NDUFAF6: variants seen among roughly 807,000 people sequenced by gnomAD.
NDUFAF6 encodes the protein NADH:ubiquinone oxidoreductase complex assembly factor 6.
NDUFAF6 carries 45 observed loss-of-function variants against 40.8 expected under a neutral mutation model. The observed-to-expected ratio is 1.10, with a 90% CI of 0.87 to 1.42. NDUFAF6 has a LOEUF of 1.42. Among genes scored for constraint, NDUFAF6 ranks in the 40% most tolerant of loss-of-function variants. NDUFAF6 has a pLI of 0.00. For synonymous variants in NDUFAF6, 185 were observed against 155.9 expected, an observed-to-expected ratio of 1.19 and a Z score of -1.39; for missense variants, 435 against 418.5, an observed-to-expected ratio of 1.04 and a Z score of -0.34.
intron 1 of NDUFAF6, among the ~76,000 whole-genome samples, chr8:94,964,930 G>A (rs570299953): frequency 6.6e-6 from 1 of 152,318 alleles, no homozygotes; most frequent in South Asian, 2.1e-4. Flanking sequence ...CCACTGATGG[G>A]CGCCAGAGAT....
intron 6 of NDUFAF6, 132 bp from the exon 7 acceptor site, chr8:95,048,323 CTG>C (rs1424638361): frequency 2.8e-6 from 2 of 705,032 alleles, no homozygotes; most frequent in Middle Eastern, 3.0e-4. Flanking sequence ...AGGCATTAAA[CTG>C]TACATACTGT....
At chr8:94,904,496 TTTGTTCTGTTCCA>T (rs1818264051) in intron 1 of NDUFAF6, among the ~76,000 whole-genome samples, 2 of 151,770 alleles carry the variant, frequency 1.3e-5, no homozygotes, top group South Asian at 4.2e-4. Context: ...TTTAAAATAA[TTTGTTCTGTTCCA>T]TTGTTTTTCT....
chr8:95,047,552 C>T (rs575486359), intron 6 of NDUFAF6, among the ~76,000 whole-genome samples: 2 of 149,162 alleles, frequency 1.3e-5, no homozygotes, highest in Middle Eastern at 6.9e-3. Context: ...CTCTGTCACC[C>T]AGGCTGGAGT....
At chr8:94,938,987 CA>C (rs2131359537) in intron 1 of NDUFAF6, among the ~76,000 whole-genome samples, 1 of 152,252 alleles carries the variant, frequency 6.6e-6, no homozygotes, top group African/African-American at 2.4e-5. Flanking sequence ...TAGACAGTGT[CA>C]GAATTGAATT....
chr8:95,112,809 AC>A (rs1341884513), intron 4 of NDUFAF6, among the ~76,000 whole-genome samples: 3 of 152,242 alleles, frequency 2.0e-5, no homozygotes, highest in African/African-American at 7.2e-5. Context: ...TTTAGCACAC[AC>A]AGTACAAACA....
intron 1 of NDUFAF6, among the ~76,000 whole-genome samples, chr8:94,915,217 C>T (rs1819051820): frequency 1.3e-5 from 2 of 152,038 alleles, no homozygotes; most frequent in South Asian, 2.1e-4. Flanking sequence ...TCCCAAAGTG[C>T]TGGGATTACA....
intron 1 of NDUFAF6, among the ~76,000 whole-genome samples, chr8:94,920,833 G>C (rs1819452371): frequency 6.6e-6 from 1 of 152,224 alleles, no homozygotes; most frequent in Non-Finnish European, 1.5e-5. Context: ...TTCAGCTGCA[G>C]CTGAGCCTCC....
chr8:94,971,709 G>T (rs920382900), intron 1 of NDUFAF6, among the ~76,000 whole-genome samples: 2 of 152,146 alleles, frequency 1.3e-5, no homozygotes, highest in African/African-American at 4.8e-5. Flanking sequence ...GGCGGAGGCG[G>T]GTGGATCACC....
intron 1 of NDUFAF6, among the ~76,000 whole-genome samples, chr8:94,922,815 T>C (rs1401527168): frequency 6.6e-6 from 1 of 152,106 alleles, no homozygotes. Context: ...AGATGATTTG[T>C]TTGCATTTTA....
chr8:94,985,484 TATATATATATATATATATATATATATA>T, intron 2 of NDUFAF6, among the ~76,000 whole-genome samples: 1 of 4,766 alleles, frequency 2.1e-4, no homozygotes, highest in Non-Finnish European at 6.6e-4. Flanking sequence ...TATATATATA[TATATATATATATATATATATATATATA>T]TATATTTTTT....
chr8:95,017,354 G>C (rs112666312), intron 2 of NDUFAF6, among the ~76,000 whole-genome samples: 2 of 152,000 alleles, frequency 1.3e-5, no homozygotes, highest in Non-Finnish European at 2.9e-5. Context: ...TTACAGGAAG[G>C]GAACAAGGGG....
At chr8:94,914,546 GCTCA>G (rs1819000630) in intron 1 of NDUFAF6, among the ~76,000 whole-genome samples, 1 of 152,194 alleles carries the variant, frequency 6.6e-6, no homozygotes, top group African/African-American at 2.4e-5. Context: ...GCCTATGGTT[GCTCA>G]CTCACTAGCA....
Position 94,945,621 on chromosome 8 carries a change from T to G in NDUFAF6, c.-799+2T>G, listed in dbSNP as rs1319868693. ...CAACTGGGCTGGTTCTACATGGAGG[T>G]AAATGGAAAAGTAGAGCTTTAGACT... On this transcript the variant is annotated splice_donor_variant, in intron 2 of 14. Transcript: ENST00000396113. LOFTEE classifies it low-confidence loss of function (5UTR_SPLICE). The G allele has an allele frequency of 2.6e-5, 4 of 152,232 alleles. No homozygotes were observed. The highest frequency in any genetic ancestry group is 2.6e-4 in the Admixed American group (4 of 15,286). The allele number at this position is 152,232 out of a possible 1,614,324, so 9.4% of individuals were successfully genotyped here. A position where few individuals can be genotyped will look rare whatever the true frequency, so the allele number is the denominator to read the frequency against.
intron 9 of NDUFAF6, among the ~76,000 whole-genome samples, chr8:95,065,715 C>T (rs1160753651): frequency 6.6e-6 from 1 of 151,798 alleles, no homozygotes; most frequent in East Asian, 1.9e-4. Context: ...GGAATATTCT[C>T]TGAAAAGCCA....
At chr8:95,087,350 T>C (rs1275155928) in intron 2 of NDUFAF6, among the ~76,000 whole-genome samples, 1 of 152,250 alleles carries the variant, frequency 6.6e-6, no homozygotes, top group African/African-American at 2.4e-5. Context: ...TGATTCTTTG[T>C]ACTTTTTCCT....
At chr8:94,982,672 G>T (rs555332183) in intron 2 of NDUFAF6, among the ~76,000 whole-genome samples, 1 of 152,346 alleles carries the variant, frequency 6.6e-6, no homozygotes, top group Non-Finnish European at 1.5e-5. Context: ...CTCCCATTAT[G>T]CGTGAACACA....
chr8:94,944,479 G>A (rs1010710260), intron 1 of NDUFAF6, among the ~76,000 whole-genome samples: 17 of 152,206 alleles, frequency 1.1e-4, no homozygotes, highest in African/African-American at 4.1e-4. Context: ...AGGCTTCTCT[G>A]GAGGAGCTTT....
chr8:95,047,258 C>T, intron 6 of NDUFAF6, 131 bp downstream of exon 6: 1 of 1,307,082 alleles, frequency 7.7e-7, no homozygotes, highest in South Asian at 1.3e-5. Context: ...CTAAAAATGG[C>T]CTTCCTCTTT....
intron 2 of NDUFAF6, among the ~76,000 whole-genome samples, chr8:95,004,977 G>A (rs1489731416): frequency 6.6e-6 from 1 of 152,168 alleles, no homozygotes; most frequent in South Asian, 2.1e-4. Context: ...GCCCAAGTAA[G>A]GGGGGAGTCA....
Sources: gnomAD v4.1 joint callset for allele counts (sites outside exome capture counted in the v4.1 genomes callset) on GRCh38, gnomAD v4.1.1 for gene constraint, MANE v1.5 for transcripts, NCBI Gene and HGNC (gene_info 2026-07-23, HGNC 2026-07-21) for gene names.